The following DNMT1 variants were observed in gnomAD, a reference collection of about 807,000 sequenced individuals.
DNMT1 encodes the protein DNA (cytosine-5)-methyltransferase 1.
In DNMT1, 24 loss-of-function variants were observed where a neutral mutation model predicts 205.3. The ratio of observed to expected loss-of-function variants is 0.12; its 90% CI spans 0.08 to 0.16. DNMT1 has a LOEUF of 0.16. DNMT1 is among the 10% of genes least tolerant of loss of function. DNMT1 has a pLI of 1.00. For synonymous variants in DNMT1, 817 were observed against 839.8 expected (o/e 0.97, Z 0.47); for missense variants, 1,293 against 2,177.7 (o/e 0.59, Z 8.09).
intron 7 of DNMT1, among the ~76,000 whole-genome samples, chr19:10,175,049 A>T (rs2038906723): frequency 6.6e-6 from 1 of 150,910 alleles, no homozygotes; most frequent in Non-Finnish European, 1.5e-5. Context: ...AAAAAAAAAA[A>T]GTCTCAAAAA....
Position 10,140,839 on chromosome 19 carries a change from C to T in DNMT1, c.3465G>A (p.Leu1155=). 9 of 1,614,180 alleles carry T rather than the reference C, an allele frequency of 5.6e-6. No individual in the cohort carries two copies. Among genetic ancestry groups the T allele is most frequent in the Non-Finnish European group, 7.6e-6 (9 of 1,180,044 alleles). ...EPEIEIKLPK[L]RTLDVFSGCG... Reference sequence around the variant, plus strand: ...AGCCAGAAAACACATCCAGGGTCCGCAGCTTGGGCAGCTTGATCTCTATCT... The same window carrying T: ...AGCCAGAAAACACATCCAGGGTCCGTAGCTTGGGCAGCTTGATCTCTATCT... The change falls in exon 32 of 41, where the codon CTG becomes CTA. Residue 1155 remains leucine (L), a synonymous_variant. Transcript: ENST00000359526. The surrounding 1 kb of genome is among the most constrained non-coding windows in gnomAD (Gnocchi z 8.4).
At chr19:10,173,809 G>T in intron 8 of DNMT1, 62 bp downstream of exon 8, 1 of 1,596,018 alleles carries the variant, frequency 6.3e-7, no homozygotes, top group Non-Finnish European at 8.6e-7. Flanking sequence ...TTCTGAAAAA[G>T]TTTTGTGATC....
At position 10,138,089 on chromosome 19, in the gene DNMT1, G is replaced by T; in HGVS notation, c.4116-80C>A. The T allele has an allele frequency of 6.7e-7, 1 of 1,489,304 alleles. No homozygotes were observed. The allele number at this position is 1,489,304 out of a possible 1,614,324, so 92.3% of individuals were successfully genotyped here. A position where few individuals can be genotyped will look rare whatever the true frequency, so the allele number is the denominator to read the frequency against. ...TCATCACAGGTGCCACCCCCTGCCT[G>T]CTCAGATGGCCTTCTCCCGAGATCA... is the stretch of plus-strand genomic sequence containing the variant. On this transcript the variant is annotated intron_variant, in intron 35 of 40. Coordinates refer to ENST00000359526, the MANE Select transcript of DNMT1 (RefSeq NM_001130823.3). This position sits in a 1 kb window ranked among gnomAD's most constrained non-coding sequence, Gnocchi z 4.1.
At chr19:10,134,360 C>T (rs2145247697) in intron 39 of DNMT1, 53 bp from the exon 40 acceptor site, 7 of 1,550,272 alleles carry the variant, frequency 4.5e-6, no homozygotes, top group African/African-American at 1.4e-5. Context: ...GCCCAAGGCC[C>T]GGGGGCAGGT....
Position 10,151,611 on chromosome 19 carries a change from C to T in DNMT1, c.2118-66G>A. On this transcript the variant is annotated intron_variant, in intron 23 of 40. Transcript: ENST00000359526. The surrounding 1 kb of genome is among the most constrained non-coding windows in gnomAD (Gnocchi z 5.0). ...TAAGACCAACCGGGGCTGTTTTCTT[C>T]ATAACAGGGACAGGTCCTGAGACAA... 6.2e-7 allele frequency: 1 copy of T among 1,611,376 alleles called. No individual in the cohort carries two copies. The highest frequency in any genetic ancestry group is 8.5e-7 in the Non-Finnish European group (1 of 1,179,644).
At chr19:10,161,137 T>C (rs2038560165) in intron 13 of DNMT1, among the ~76,000 whole-genome samples, 2 of 152,046 alleles carry the variant, frequency 1.3e-5, no homozygotes, top group African/African-American at 4.8e-5. Context: ...AAACCCTGTC[T>C]CTACTAAAAA....
intron 9 of DNMT1, among the ~76,000 whole-genome samples, chr19:10,170,288 TAAAAAAAA>T (rs934398480): frequency 6.7e-6 from 1 of 149,300 alleles, no homozygotes; most frequent in African/African-American, 2.5e-5. Context: ...CCATCTCAAT[TAAAAAAAA>T]AGAAAAAAAG....
At chr19:10,155,530 G>A (rs1348494291) in intron 19 of DNMT1, among the ~76,000 whole-genome samples, 1 of 152,088 alleles carries the variant, frequency 6.6e-6, no homozygotes, top group Non-Finnish European at 1.5e-5. Flanking sequence ...TAGAGAGGGG[G>A]TTTCACCATG....
At chr19:10,167,226 C>G (rs555750436) in intron 10 of DNMT1, among the ~76,000 whole-genome samples, 53 of 151,478 alleles carry the variant, frequency 3.5e-4, no homozygotes, top group Non-Finnish European at 6.3e-4. Flanking sequence ...GGCAGAGTCT[C>G]GCTCTATCAC....
rs2039263500 is a variant in DNMT1, at chr19:10,189,668, CT to C, written c.80+5151del. Among the ~76,000 whole-genome samples the C allele has an allele frequency of 2.0e-5, 3 of 151,994 alleles. No individual in the cohort carries two copies. In the South Asian group the frequency reaches 6.2e-4, roughly 31 times the overall value. On this transcript the variant is annotated intron_variant, in intron 1 of 40. Transcript: ENST00000359526. ...TCCTTGGCTCAAGCGATCCTCCTGC[CT>C]TGGCCTCCCAAACTGCTGGGATTAC...
chr19:10,145,910 C>T (rs569023012), intron 28 of DNMT1, among the ~76,000 whole-genome samples: 106 of 152,226 alleles, frequency 7.0e-4, no homozygotes, highest in African/African-American at 2.2e-3. Context: ...CTCACTGCAA[C>T]CTCTGCCTCC....
At chr19:10,182,127 C>T in intron 1 of DNMT1, 50 bp from the exon 2 acceptor site, 1 of 1,560,600 alleles carries the variant, frequency 6.4e-7, no homozygotes. Flanking sequence ...TAAGCAACTT[C>T]ATTTGCCTGT....
chr19:10,160,006 G>A lies in DNMT1; in HGVS notation c.1089+12C>T, dbSNP rs2145321223. On this transcript the variant is annotated intron_variant, in intron 15 of 40. Coordinates refer to ENST00000359526, the MANE Select transcript of DNMT1 (RefSeq NM_001130823.3). ...AGCGCCGCCACCGGCTTTATTCCCG[G>A]CAGATGTTTACCTTGGAGTTCATGA... The A allele has an allele frequency of 6.2e-7, 1 of 1,614,180 alleles. No homozygotes were observed.
intron 30 of DNMT1, chr19:10,141,412 T>TA (rs1316269484): frequency 1.8e-6 from 1 of 559,564 alleles, no homozygotes; most frequent in Non-Finnish European, 3.2e-6. Context: ...AAATGCCTAT[T>TA]ACAAGCACTT....
intron 13 of DNMT1, among the ~76,000 whole-genome samples, chr19:10,161,484 A>G (rs956376525): frequency 6.6e-5 from 10 of 152,120 alleles, no homozygotes; most frequent in Admixed American, 5.2e-4. Context: ...CCCTGTCTCT[A>G]CAAAAATAGA....
chr19:10,174,849 C>T (rs558926949), intron 7 of DNMT1, among the ~76,000 whole-genome samples: 3 of 151,516 alleles, frequency 2.0e-5, no homozygotes, highest in East Asian at 3.9e-4. Context: ...GCCTGGGCAA[C>T]ATGGGAGACC....
Position 10,141,159 on chromosome 19 carries a change from C to T in DNMT1, c.3340G>A (p.Asp1114Asn). The change falls in exon 31 of 41, where the codon GAT (aspartate) becomes AAT (asparagine). Residue 1114 changes from aspartate (D) to asparagine (N), a missense_variant. Transcript: ENST00000359526. ...GGGCTACGGGCATGGTTGGGAGGAT[C>T]TTCAAAGCTTTTGCTCTTTGCATTA... is the stretch of plus-strand genomic sequence containing the variant. ...AYNAKSKSFEDPPNHARSPGN... is the reference protein window; with the variant it reads ...AYNAKSKSFENPPNHARSPGN... 1 of 1,614,034 alleles carries T rather than the reference C, an allele frequency of 6.2e-7. No homozygotes were observed. The highest frequency in any genetic ancestry group is 8.5e-7 in the Non-Finnish European group (1 of 1,180,032).
In DNMT1 at chr19:10,173,796, A is replaced by G. The variant is rs1042225425; in HGVS notation, c.683+75T>C. The G allele has an allele frequency of 1.9e-6, 3 of 1,565,412 alleles. No homozygotes were observed. In the African/African-American group the frequency reaches 4.1e-5, roughly 21 times the overall value. On this transcript the variant is annotated intron_variant, in intron 8 of 40. Transcript: ENST00000359526. ...CATGAGTCACCGTGCCCGGCCTTAA[A>G]CTTTCTGAAAAAGTTTTGTGATCAA... is the stretch of plus-strand genomic sequence containing the variant.
At position 10,180,889 on chromosome 19, in the gene DNMT1, A is replaced by G. The variant is rs1743807386; in HGVS notation, c.118-4T>C. The G allele has an allele frequency of 6.2e-7, 1 of 1,612,488 alleles. No individual in the cohort carries two copies. The highest frequency in any genetic ancestry group is 1.7e-5 in the Admixed American group (1 of 59,972). ...TCAATTTCTCCTTCACACATTCCTA[A>G]GGGAAGGATATAGGTTTAGCAGTAC... On this transcript the variant is annotated splice_polypyrimidine_tract_variant and splice_region_variant and intron_variant, in intron 2 of 40. Coordinates refer to ENST00000359526, the MANE Select transcript of DNMT1 (RefSeq NM_001130823.3).
Sources: gnomAD v4.1 joint callset for allele counts (sites outside exome capture counted in the v4.1 genomes callset) on GRCh38, gnomAD v4.1.1 for gene constraint, Gnocchi (gnomAD v3.1) non-coding constraint, MANE v1.5 for transcripts, NCBI Gene and HGNC (gene_info 2026-07-23, HGNC 2026-07-21) for gene names.